The following VSTM5 variants were observed in gnomAD, a reference collection of about 807,000 sequenced individuals.
VSTM5 encodes V-set and transmembrane domain containing 5.
In VSTM5, 21 loss-of-function variants were observed where a neutral mutation model predicts 20.3. The observed-to-expected ratio is 1.03, with a 90% CI of 0.73 to 1.49. VSTM5 has a LOEUF of 1.49. Among genes scored for constraint, VSTM5 ranks in the 40% most tolerant of loss-of-function variants. VSTM5 has a pLI of 0.00. For synonymous variants in VSTM5, 100 were observed against 102.5 expected, an observed-to-expected ratio of 0.98 and a Z score of 0.14; for missense variants, 219 against 250.0, an observed-to-expected ratio of 0.88 and a Z score of 0.84.
At position 93,820,788 on chromosome 11, in the gene VSTM5, TA is replaced by T. The variant is rs1486780183; in HGVS notation, c.513del (p.Asn171LysfsTer36). On this transcript the variant is annotated frameshift_variant, in exon 3 of 4. Coordinates refer to ENST00000409977, the MANE Select transcript of VSTM5 (RefSeq NM_001144871.2). LOFTEE classifies it high-confidence loss of function. ...AVLISLMWVCNKCAYKFQRKR... is the reference protein window; with the variant it reads ...AVLISLMWVCXKCAYKFQRKR... ...TTCCTCTGAAATTTATATGCACACT[TA>T]TTACAAACCCACATGAGGCTGATTA... is the stretch of plus-strand genomic sequence containing the variant. 1.9e-6 allele frequency: 3 copies of T among 1,551,498 alleles called. No homozygotes were observed. Among genetic ancestry groups the T allele is most frequent in the Non-Finnish European group, 2.6e-6 (3 of 1,146,996 alleles).
intron 1 of VSTM5, among the ~76,000 whole-genome samples, chr11:93,841,783 T>C (rs1031432267): frequency 6.6e-6 from 1 of 152,216 alleles, no homozygotes; most frequent in Non-Finnish European, 1.5e-5. Flanking sequence ...GCAGCACTTC[T>C]TATCTTGGGG....
intron 1 of VSTM5, among the ~76,000 whole-genome samples, chr11:93,849,997 AG>A (rs1459468843): frequency 6.6e-6 from 1 of 152,264 alleles, no homozygotes; most frequent in Admixed American, 6.5e-5. Flanking sequence ...GGGTCCCCAC[AG>A]TAGGGGGCGG....
intron 1 of VSTM5, among the ~76,000 whole-genome samples, chr11:93,826,941 A>C (rs1944243388): frequency 6.6e-6 from 1 of 152,162 alleles, no homozygotes; most frequent in African/African-American, 2.4e-5. Context: ...GTCAGGAAAG[A>C]CATTTGATAT....
intron 1 of VSTM5, among the ~76,000 whole-genome samples, chr11:93,848,734 C>G (rs1944433510): frequency 6.6e-6 from 1 of 152,202 alleles, no homozygotes; most frequent in Non-Finnish European, 1.5e-5. Flanking sequence ...AACAGTGAAC[C>G]ACCATATCCT....
chr11:93,829,753 C>T (rs1944267026), intron 1 of VSTM5, among the ~76,000 whole-genome samples: 1 of 152,168 alleles, frequency 6.6e-6, no homozygotes, highest in Non-Finnish European at 1.5e-5. Flanking sequence ...GGACCTCACT[C>T]TTGTTCCTGA....
intron 1 of VSTM5, among the ~76,000 whole-genome samples, chr11:93,849,001 A>G (rs1944436041): frequency 2.0e-5 from 3 of 152,226 alleles, no homozygotes; most frequent in African/African-American, 7.2e-5. Context: ...TGCCAGAGGA[A>G]CATGCCTCTG....
chr11:93,850,009 C>G (rs529154432), intron 1 of VSTM5, among the ~76,000 whole-genome samples: 2 of 152,216 alleles, frequency 1.3e-5, no homozygotes, highest in Non-Finnish European at 2.9e-5. Context: ...TAGGGGGCGG[C>G]GCACGGACTG....
Position 93,820,046 on chromosome 11 carries a change from T to G in VSTM5, c.*523A>C, listed in dbSNP as rs1944166884. On this transcript the variant is annotated 3_prime_UTR_variant, in exon 4 of 4. Transcript: ENST00000409977. ...CCACCTCTGCTCTGAGGCAGCAGAT[T>G]GTCTAAAAGCCTCAGGTTTTCTCAC... 1 of 160,442 alleles carries G rather than the reference T, an allele frequency of 6.2e-6. No individual in the cohort carries two copies. The highest frequency in any genetic ancestry group is 1.4e-5 in the Non-Finnish European group (1 of 73,592). 9.9% of individuals were successfully genotyped at this position (160,442 alleles called of 1,614,324 possible). A position where few individuals can be genotyped will look rare whatever the true frequency, so the allele number is the denominator to read the frequency against.
chr11:93,820,824 C>T lies in VSTM5; in HGVS notation c.478G>A (p.Ala160Thr). Reference sequence around the variant, plus strand: ...CACATGAGGCTGATTAATACTGCGGCCACAGCAGCGAGAAAAGCAAGGATG... The same window carrying T: ...CACATGAGGCTGATTAATACTGCGGTCACAGCAGCGAGAAAAGCAAGGATG... ...AVILAFLAAV[A>T]AVLISLMWVC... The change falls in exon 3 of 4, where the codon GCC (alanine) becomes ACC (threonine). Residue 160 changes from alanine to threonine, a missense_variant. Ala to Thr is a moderately conservative substitution (Grantham distance 58). Coordinates refer to ENST00000409977, the MANE Select transcript of VSTM5 (RefSeq NM_001144871.2). 6.4e-7 allele frequency: 1 copy of T among 1,550,928 alleles called. No homozygotes were observed. The highest frequency in any genetic ancestry group is 2.4e-5 in the East Asian group (1 of 40,908).
intron 1 of VSTM5, among the ~76,000 whole-genome samples, chr11:93,826,669 G>A (rs1313759918): frequency 6.6e-6 from 1 of 152,112 alleles, no homozygotes; most frequent in African/African-American, 2.4e-5. Flanking sequence ...AAAGCGCTGG[G>A]ATTACAAGCA....
intron 3 of VSTM5, 31 bp downstream of exon 3, chr11:93,820,712 T>G (rs1944173530): frequency 6.4e-7 from 1 of 1,551,628 alleles, no homozygotes; most frequent in East Asian, 2.4e-5. Flanking sequence ...TCAAAACCAC[T>G]CATGGATTAT....
chr11:93,839,821 G>C (rs1459134290), intron 1 of VSTM5, among the ~76,000 whole-genome samples: 1 of 152,196 alleles, frequency 6.6e-6, no homozygotes, highest in Admixed American at 6.5e-5. Flanking sequence ...CTCAGAACGT[G>C]ACCTTATTTG....
intron 1 of VSTM5, among the ~76,000 whole-genome samples, chr11:93,824,545 G>A (rs1243737355): frequency 6.6e-6 from 1 of 152,136 alleles, no homozygotes; most frequent in African/African-American, 2.4e-5. Flanking sequence ...CTATTGAGTT[G>A]TATGAGTTTC....
chr11:93,819,576 A>G lies in VSTM5; in HGVS notation c.*993T>C, dbSNP rs917234866. 1 of 152,296 alleles carries G rather than the reference A, an allele frequency of 6.6e-6. No individual in the cohort carries two copies. Among genetic ancestry groups the G allele is most frequent in the Non-Finnish European group, 1.5e-5 (1 of 68,124 alleles). The allele number at this position is 152,296 out of a possible 1,614,324, so 9.4% of individuals were successfully genotyped here. A position where few individuals can be genotyped will look rare whatever the true frequency, so the allele number is the denominator to read the frequency against. The stretch of plus-strand genomic sequence containing the variant: ...GTGCATACTGTGGGCTTCTCTTGAT[A>G]CTCTGACTGTGAGGTAGGCAAGGGC... On this transcript the variant is annotated 3_prime_UTR_variant, in exon 4 of 4. Transcript: ENST00000409977.
At position 93,820,511 on chromosome 11, in the gene VSTM5, C is replaced by G. The variant is rs1944171313; in HGVS notation, c.*58G>C. On this transcript the variant is annotated 3_prime_UTR_variant, in exon 4 of 4. Coordinates refer to ENST00000409977, the MANE Select transcript of VSTM5 (RefSeq NM_001144871.2). ...AATGGGTATAATAGCTGTGCTTGCT[C>G]TTTTTGTTGGAGAATGGTTTCCTCT... 6.5e-7 allele frequency: 1 copy of G among 1,543,434 alleles called. No homozygotes were observed. Among genetic ancestry groups the G allele is most frequent in the African/African-American group, 1.4e-5 (1 of 72,878 alleles).
At chr11:93,843,397 G>A (rs1030982220) in intron 1 of VSTM5, among the ~76,000 whole-genome samples, 1 of 152,054 alleles carries the variant, frequency 6.6e-6, no homozygotes, top group Non-Finnish European at 1.5e-5. Context: ...GTCTGTCTTG[G>A]TGACCATTGA....
intron 1 of VSTM5, among the ~76,000 whole-genome samples, chr11:93,823,820 ATGG>A (rs1310115565): frequency 2.1e-5 from 3 of 144,146 alleles, no homozygotes; most frequent in Non-Finnish European, 4.5e-5. Flanking sequence ...TATTGTGAAT[ATGG>A]TGCAGTGAAC....
chr11:93,836,360 C>A (rs1267195320), intron 1 of VSTM5, among the ~76,000 whole-genome samples: 2 of 152,236 alleles, frequency 1.3e-5, no homozygotes, highest in Admixed American at 6.5e-5. Context: ...CTCCATTGCT[C>A]TAGGAATGAA....
intron 1 of VSTM5, among the ~76,000 whole-genome samples, chr11:93,848,276 A>G (rs186840575): frequency 6.6e-6 from 1 of 152,322 alleles, no homozygotes; most frequent in Admixed American, 6.5e-5. Flanking sequence ...ACTCTTCATC[A>G]TTATGACTGG....
Sources: allele counts gnomAD v4.1 joint callset (sites outside exome capture counted in the v4.1 genomes callset), GRCh38; gene constraint gnomAD v4.1.1; transcripts MANE v1.5; gene names NCBI Gene and HGNC (gene_info 2026-07-23, HGNC 2026-07-21).